Variants in HMGXB4 observed in about 807,000 individuals in gnomAD.
The protein encoded by HMGXB4 is HMG domain-containing protein 4.
In HMGXB4, 27 loss-of-function variants were observed where a neutral mutation model predicts 63.9. That is an observed-to-expected ratio of 0.42 (90% CI 0.31 to 0.58). The LOEUF is 0.58. HMGXB4 is among the 20% of genes least tolerant of loss of function. The pLI is 0.13. For synonymous variants in HMGXB4, 264 were observed against 265.3 expected (o/e 0.99, Z 0.05); for missense variants, 624 against 700.7 (o/e 0.89, Z 1.24).
chr22:35,271,393 G>C (rs1031789908), intron 5 of HMGXB4, among the ~76,000 whole-genome samples: 1 of 152,182 alleles, frequency 6.6e-6, no homozygotes, highest in African/African-American at 2.4e-5. Context: ...CTAGGACCAG[G>C]ACTCTAATAA....
intron 1 of HMGXB4, among the ~76,000 whole-genome samples, chr22:35,259,953 CCT>C (rs2146395002): frequency 6.6e-6 from 1 of 152,200 alleles, no homozygotes; most frequent in South Asian, 2.1e-4. Flanking sequence ...TTTTCTATTC[CCT>C]CTCACAACTT....
chr22:35,248,714 C>T, the HMGXB4 span, among the ~76,000 whole-genome samples: 2 of 152,080 alleles, frequency 1.3e-5, no homozygotes, highest in Non-Finnish European at 2.9e-5. Context: ...TGGTCCCAGA[C>T]TTTTAAACAA....
the HMGXB4 span, among the ~76,000 whole-genome samples, chr22:35,245,217 C>T: frequency 1.3e-5 from 2 of 152,092 alleles, no homozygotes; most frequent in Admixed American, 1.3e-4. Context: ...TCACTTGTCC[C>T]TCCGCCTCCT....
chr22:35,243,191 T>C, the HMGXB4 span, among the ~76,000 whole-genome samples: 3 of 151,988 alleles, frequency 2.0e-5, no homozygotes, highest in African/African-American at 7.3e-5. Flanking sequence ...GCCAACATGG[T>C]GAAACCCTGT....
At chr22:35,273,544 C>T (rs1011707356) in intron 5 of HMGXB4, among the ~76,000 whole-genome samples, 12 of 152,226 alleles carry the variant, frequency 7.9e-5, no homozygotes, top group East Asian at 5.8e-4. Flanking sequence ...GTTACTTTCG[C>T]TTACGTCTTA....
Position 35,295,648 on chromosome 22 carries a change from G to C in HMGXB4, c.*1997G>C, listed in dbSNP as rs968024052. The C allele has an allele frequency of 1.3e-5, 2 of 152,394 alleles. No individual in the cohort carries two copies. The highest frequency in any genetic ancestry group is 2.9e-5 in the Non-Finnish European group (2 of 67,996). 9.4% of individuals were successfully genotyped at this position (152,394 alleles called of 1,614,324 possible). On this transcript the variant is annotated 3_prime_UTR_variant, in exon 11 of 11. Coordinates refer to ENST00000216106, the MANE Select transcript of HMGXB4 (RefSeq NM_001003681.3). Reference sequence around the variant, plus strand: ...CCTTGTGGTATTTGGTACTATTAGAGGAAAAACTTTGGATTCAGACCTTCT... The same window carrying C: ...CCTTGTGGTATTTGGTACTATTAGACGAAAAACTTTGGATTCAGACCTTCT...
At chr22:35,244,800 C>G in the HMGXB4 span, among the ~76,000 whole-genome samples, 1 of 152,182 alleles carries the variant, frequency 6.6e-6, no homozygotes, top group African/African-American at 2.4e-5. Context: ...GTAAACACGT[C>G]AGGCATCAGG....
chr22:35,283,747 G>A (rs921965397), intron 5 of HMGXB4, among the ~76,000 whole-genome samples: 3 of 152,110 alleles, frequency 2.0e-5, no homozygotes, highest in South Asian at 4.2e-4. Context: ...CCAAGATTGC[G>A]CCACTGCACT....
upstream of HMGXB4, among the ~76,000 whole-genome samples, chr22:35,256,649 G>A (rs889699715): frequency 1.3e-5 from 2 of 152,042 alleles, no homozygotes; most frequent in African/African-American, 4.8e-5. Flanking sequence ...ACAGGCACGC[G>A]CCACCACGCC....
In HMGXB4 at chr22:35,288,416, A is replaced by G; in HGVS notation, c.1638+9A>G. On this transcript the variant is annotated intron_variant, in intron 9 of 10. Transcript: ENST00000216106. ...GTCTGCAGGAAACTGAGGTGAATAC[A>G]ACTATCAGCAGCATGACTACAGTTT... 1 of 1,567,190 alleles carries G rather than the reference A, an allele frequency of 6.4e-7. No individual in the cohort carries two copies. The highest frequency in any genetic ancestry group is 8.7e-7 in the Non-Finnish European group (1 of 1,155,232).
intron 1 of HMGXB4, among the ~76,000 whole-genome samples, chr22:35,261,289 A>T (rs1420650765): frequency 6.6e-6 from 1 of 151,984 alleles, no homozygotes; most frequent in East Asian, 1.9e-4. Flanking sequence ...TACAAAAATT[A>T]GCCAGGCTCG....
rs891842368 is a variant in HMGXB4 at position 35,294,078 on chromosome 22, A to T, written c.*427A>T. On this transcript the variant is annotated 3_prime_UTR_variant, in exon 11 of 11. Transcript: ENST00000216106. ...TTTGCCTTACCTGTCTTAGTCTGAA[A>T]TGTAATAGGAAAGATAACGGGAAGA... 6.5e-6 allele frequency: 1 copy of T among 153,100 alleles called. No individual in the cohort carries two copies. The highest frequency in any genetic ancestry group is 6.5e-5 in the Admixed American group (1 of 15,298). 9.5% of individuals were successfully genotyped at this position (153,100 alleles called of 1,614,324 possible).
chr22:35,278,778 A>T (rs1460126338), intron 5 of HMGXB4, among the ~76,000 whole-genome samples: 1 of 150,882 alleles, frequency 6.6e-6, no homozygotes, highest in African/African-American at 2.4e-5. Context: ...CCTCCTGAGT[A>T]GCTGGGGCTA....
the HMGXB4 span, among the ~76,000 whole-genome samples, chr22:35,248,742 C>T: frequency 5.9e-5 from 9 of 152,060 alleles, no homozygotes; most frequent in Non-Finnish European, 1.0e-4. Context: ...TCTAGTGAAC[C>T]AGCTGAAGAA....
chr22:35,292,948 G>C, intron 9 of HMGXB4, 44 bp from the exon 10 acceptor site: 1 of 1,613,656 alleles, frequency 6.2e-7, no homozygotes, highest in South Asian at 1.1e-5. Context: ...CCGGAACACA[G>C]CATCAGGAGT....
chr22:35,264,075 G>A (rs1201212157), intron 4 of HMGXB4: 8 of 1,539,860 alleles, frequency 5.2e-6, no homozygotes, highest in Non-Finnish European at 7.0e-6. Flanking sequence ...TAGAAGAACA[G>A]TCTGCATTTG....
intron 9 of HMGXB4, 21 bp from the exon 10 acceptor site, chr22:35,292,971 A>G: frequency 1.2e-6 from 2 of 1,614,212 alleles, no homozygotes; most frequent in South Asian, 2.2e-5. Flanking sequence ...GACTCAAGCA[A>G]CAACCTCCTC....
chr22:35,267,857 TG>T (rs1476133688), intron 5 of HMGXB4, among the ~76,000 whole-genome samples: 1 of 152,264 alleles, frequency 6.6e-6, no homozygotes, highest in Non-Finnish European at 1.5e-5. Context: ...TCTTTCTTAA[TG>T]TATCTCAAAG....
intron 5 of HMGXB4, among the ~76,000 whole-genome samples, chr22:35,275,298 T>C (rs2146420603): frequency 6.6e-6 from 1 of 152,054 alleles, no homozygotes; most frequent in African/African-American, 2.4e-5. Flanking sequence ...TTTTGTCTTT[T>C]TAGTGGAAAC....
Sources: allele counts gnomAD v4.1 joint callset (sites outside exome capture counted in the v4.1 genomes callset), GRCh38; gene constraint gnomAD v4.1.1; transcripts MANE v1.5; gene names NCBI Gene and HGNC (gene_info 2026-07-23, HGNC 2026-07-21).